Variants in ANKRD36B observed in about 807,000 individuals in gnomAD.
ANKRD36B encodes ankyrin repeat domain-containing protein 36B.
A neutral mutation model predicts 135.7 loss-of-function variants in ANKRD36B; 37 were observed. The observed-to-expected ratio is 0.27, with a 90% confidence interval of 0.21 to 0.36. The LOEUF (loss-of-function observed/expected upper bound fraction) is 0.36, where lower values mean the gene tolerates loss of function less well. Among genes scored for constraint, ANKRD36B ranks in the 10% least tolerant of loss-of-function variants. The pLI, the probability that ANKRD36B is intolerant of heterozygous loss-of-function variation, is 1.00. For missense variants in ANKRD36B, 549 were observed against 1,037.1 expected (o/e 0.53, Z 6.46); for synonymous variants, 179 against 348.1 (o/e 0.51, Z 5.41).
chr2:97,580,526 C>A lies in ANKRD36B; in HGVS notation c.493G>T (p.Val165Leu). The change falls in exon 4 of 44, where the codon GTG (valine) becomes TTG (leucine). Residue 165 changes from valine to leucine, a missense_variant. Coordinates refer to ENST00000359901, the MANE Select transcript of ANKRD36B (RefSeq NM_001393939.1). ...PLLLAVSRRKVKMVEFLLKKK... is the reference protein window; with the variant it reads ...PLLLAVSRRKLKMVEFLLKKK... Reference sequence around the variant, plus strand: ...TTTAATAAAAATTCCACCATTTTCACTTTTCTTCGACTCACAGCAAGTAAC... The same window carrying A: ...TTTAATAAAAATTCCACCATTTTCAATTTTCTTCGACTCACAGCAAGTAAC... 6.5e-7 allele frequency: 1 copy of A among 1,548,220 alleles called. No individual in the cohort carries two copies. Among genetic ancestry groups the A allele is most frequent in the Non-Finnish European group, 8.7e-7 (1 of 1,144,690 alleles).
In ANKRD36B at chr2:97,547,626, T is replaced by C. The variant is rs1164333166; in HGVS notation, c.1507-18A>G. The C allele has an allele frequency of 1.3e-6, 2 of 1,563,620 alleles. No individual in the cohort carries two copies. The highest frequency in any genetic ancestry group is 1.7e-6 in the Non-Finnish European group (2 of 1,149,494). ...CTTGTAGCCTGAATGGAATTTGAAA[T>C]GAAATAATAAATTAATAAAGTATGT... On this transcript the variant is annotated intron_variant, in intron 21 of 43. Coordinates refer to ENST00000359901, the MANE Select transcript of ANKRD36B (RefSeq NM_001393939.1).
chr2:97,552,844 C>T (rs1279275857), intron 16 of ANKRD36B, among the ~76,000 whole-genome samples: 1 of 151,912 alleles, frequency 6.6e-6, no homozygotes, highest in Non-Finnish European at 1.5e-5. Context: ...CTTTCTCCTT[C>T]CACCCTTAGT....
At chr2:97,556,724 T>A (rs979215082) in intron 12 of ANKRD36B, among the ~76,000 whole-genome samples, 77 of 151,902 alleles carry the variant, frequency 5.1e-4, no homozygotes, top group Non-Finnish European at 1.3e-4. Context: ...TTCTATCCAA[T>A]TTCAATGTAG....
At chr2:97,565,889 G>GTGTA (rs780792422) in intron 6 of ANKRD36B, among the ~76,000 whole-genome samples, 10 of 146,282 alleles carry the variant, frequency 6.8e-5, no homozygotes, top group South Asian at 6.4e-4. Flanking sequence ...GTGTGTGTGT[G>GTGTA]TATATATATA....
In ANKRD36B at chr2:97,578,179, A is replaced by G. The variant is rs1459320583; in HGVS notation, c.695+727T>C. ...TAAAGTTAGAATATCCAGCTAACAG[A>G]GCAAGGTTCTGCTGTTTTGGAAACA... On this transcript the variant is annotated intron_variant, in intron 5 of 43. Transcript: ENST00000359901. Among the ~76,000 whole-genome samples the G allele has an allele frequency of 2.0e-5, 3 of 152,250 alleles. No individual in the cohort carries two copies. The East Asian group carries it at 5.8e-4, about 29-fold the overall frequency.
chr2:97,580,337 C>T, intron 4 of ANKRD36B, 125 bp downstream of exon 4: 1 of 803,522 alleles, frequency 1.2e-6, no homozygotes, highest in Non-Finnish European at 1.9e-6. Context: ...TGATATTTCT[C>T]ACTATATCCC....
At chr2:97,516,185 G>C (rs1450969531) in intron 36 of ANKRD36B, among the ~76,000 whole-genome samples, 2 of 45,618 alleles carry the variant, frequency 4.4e-5, no homozygotes, top group South Asian at 7.1e-4. Flanking sequence ...AACTCAGATA[G>C]GTCCTGTAAA....
At chr2:97,580,971 A>G (rs2082594789) in intron 3 of ANKRD36B, among the ~76,000 whole-genome samples, 1 of 95,414 alleles carries the variant, frequency 1.0e-5, no homozygotes, top group African/African-American at 5.0e-5. Flanking sequence ...TATTTTTATT[A>G]ATGATCTAAA....
chr2:97,540,214 C>G lies in ANKRD36B; in HGVS notation c.1901G>C (p.Arg634Pro), dbSNP rs536823787. ...GAGTTTAATTACCTTCAAGGCTGGT[C>G]GTCTCTGAGAAGACACTGAAAAGCA... ...QIRGTVSSQR[R>P]PALKTTGDEK... Residue 634 changes from arginine to proline, a missense_variant, in exon 29 of 44, where the codon CGA becomes CCA. Coordinates refer to ENST00000359901, the MANE Select transcript of ANKRD36B (RefSeq NM_001393939.1). 316 of 967,588 alleles carry G rather than the reference C, an allele frequency of 3.3e-4. 97 individuals are homozygous for G. The East Asian group carries it at 3.8e-3, about 12-fold the overall frequency. 59.9% of individuals were successfully genotyped at this position (967,588 alleles called of 1,614,324 possible).
At chr2:97,572,281 C>CAA (rs34027238) in intron 6 of ANKRD36B, among the ~76,000 whole-genome samples, 1 of 127,636 alleles carries the variant, frequency 7.8e-6, no homozygotes, top group Non-Finnish European at 1.6e-5. Context: ...GACTCAATCT[C>CAA]AAAAAAAAAA....
At position 97,537,010 on chromosome 2, in the gene ANKRD36B, A is replaced by G. The variant is rs1358952677; in HGVS notation, c.2090-514T>C. Among the ~76,000 whole-genome samples, 2 of 96,366 alleles carry G rather than the reference A, an allele frequency of 2.1e-5. 1 individual carries two copies. The highest frequency in any genetic ancestry group is 6.2e-5 in the African/African-American group (2 of 32,134). 63.2% of individuals were successfully genotyped at this position (96,366 alleles called of 152,430 possible). Reference sequence around the variant, plus strand: ...ACGTATCTTCAGTGTAAGTGTCCTGAATTGATCTGCTTGGATATATGTTTG... The same window carrying G: ...ACGTATCTTCAGTGTAAGTGTCCTGGATTGATCTGCTTGGATATATGTTTG... On this transcript the variant is annotated intron_variant, in intron 32 of 43. Coordinates refer to ENST00000359901, the MANE Select transcript of ANKRD36B (RefSeq NM_001393939.1).
At chr2:97,578,472 C>T (rs2082365059) in intron 5 of ANKRD36B, among the ~76,000 whole-genome samples, 1 of 152,162 alleles carries the variant, frequency 6.6e-6, no homozygotes, top group African/African-American at 2.4e-5. Flanking sequence ...CTTAGGGAAC[C>T]CCTTAGGTTC....
intron 1 of ANKRD36B, among the ~76,000 whole-genome samples, chr2:97,588,555 TGTC>T (rs547812742): frequency 5.3e-4 from 81 of 152,252 alleles, no homozygotes; most frequent in African/African-American, 1.6e-3. Context: ...GTTTTCTTAA[TGTC>T]GTCACAATAG....
intron 6 of ANKRD36B, among the ~76,000 whole-genome samples, chr2:97,563,822 A>C (rs182023928): frequency 1.5e-3 from 222 of 152,254 alleles, no homozygotes; most frequent in African/African-American, 5.2e-3. Context: ...TATAATACAA[A>C]TCAATAAAAG....
chr2:97,548,304 C>T (rs2079690690), intron 20 of ANKRD36B, among the ~76,000 whole-genome samples: 1 of 151,896 alleles, frequency 6.6e-6, no homozygotes, highest in Non-Finnish European at 1.5e-5. Flanking sequence ...TATTCATTAT[C>T]TCTCACACCC....
intron 6 of ANKRD36B, among the ~76,000 whole-genome samples, chr2:97,574,626 C>T (rs1413351005): frequency 6.6e-6 from 1 of 152,084 alleles, no homozygotes; most frequent in East Asian, 1.9e-4. Context: ...TTGAAACTCT[C>T]GAAATGCGGC....
intron 1 of ANKRD36B, among the ~76,000 whole-genome samples, chr2:97,587,218 G>A (rs2083068078): frequency 6.6e-6 from 1 of 151,940 alleles, no homozygotes; most frequent in Admixed American, 6.6e-5. Flanking sequence ...AATAGAAACT[G>A]AGAATTTTTT....
intron 20 of ANKRD36B, among the ~76,000 whole-genome samples, chr2:97,548,789 G>C (rs1439892166): frequency 2.0e-5 from 3 of 151,984 alleles, no homozygotes; most frequent in African/African-American, 4.8e-5. Flanking sequence ...GCCAATTCTA[G>C]GATTGTTTCC....
chr2:97,547,516 A>G lies in ANKRD36B; in HGVS notation c.1579+20T>C, dbSNP rs1032763778. Reference sequence around the variant, plus strand: ...ATCTACCCGGACTGAACATGACATTAAATCTCTTTTCAAAATTACCTCTCC... The same window carrying G: ...ATCTACCCGGACTGAACATGACATTGAATCTCTTTTCAAAATTACCTCTCC... On this transcript the variant is annotated intron_variant, in intron 22 of 43. Transcript: ENST00000359901. 2.6e-6 allele frequency: 4 copies of G among 1,533,450 alleles called. No homozygotes were observed. In the African/African-American group the frequency reaches 5.5e-5, roughly 21 times the overall value. 95.0% of individuals were successfully genotyped at this position (1,533,450 alleles called of 1,614,324 possible).
Sources: allele counts gnomAD v4.1 joint callset (sites outside exome capture counted in the v4.1 genomes callset), GRCh38; gene constraint gnomAD v4.1.1; transcripts MANE v1.5; gene names NCBI Gene and HGNC (gene_info 2026-07-23, HGNC 2026-07-21).